Variants in CMTM7 observed in about 807,000 individuals in gnomAD.
CMTM7 encodes CKLF like MARVEL transmembrane domain containing 7, also known as CKLF-like MARVEL transmembrane domain-containing protein 7.
In CMTM7, 7 loss-of-function variants were observed where a neutral mutation model predicts 19.3. The observed-to-expected ratio is 0.36, with a 90% CI of 0.21 to 0.68. The LOEUF (loss-of-function observed/expected upper bound fraction) is 0.68. Among genes scored for constraint, CMTM7 ranks in the 30% least tolerant of loss-of-function variants. The pLI is 0.60. For synonymous variants in CMTM7, 87 were observed against 99.3 expected, an observed-to-expected ratio of 0.88 and a Z score of 0.74; for missense variants, 193 against 232.6, an observed-to-expected ratio of 0.83 and a Z score of 1.11.
At chr3:32,431,866 TCA>T (rs1696524902) in intron 1 of CMTM7, among the ~76,000 whole-genome samples, 1 of 152,246 alleles carries the variant, frequency 6.6e-6, no homozygotes, top group South Asian at 2.1e-4. Context: ...GCACAGTGGC[TCA>T]CGCCTGTAAT....
intron 1 of CMTM7, among the ~76,000 whole-genome samples, chr3:32,407,221 CTTAT>C (rs1696102771): frequency 6.6e-6 from 1 of 152,198 alleles, no homozygotes; most frequent in African/African-American, 2.4e-5. Context: ...GCAAACCTGG[CTTAT>C]TTGTTTTCTT....
At chr3:32,444,493 C>T (rs1242047017) in intron 2 of CMTM7, among the ~76,000 whole-genome samples, 2 of 152,186 alleles carry the variant, frequency 1.3e-5, no homozygotes, top group South Asian at 2.1e-4. Context: ...AGCAAATATG[C>T]AGCCTCCCAA....
chr3:32,444,841 C>A (rs1243000480), intron 2 of CMTM7, among the ~76,000 whole-genome samples: 1 of 152,164 alleles, frequency 6.6e-6, no homozygotes, highest in Non-Finnish European at 1.5e-5. Flanking sequence ...TCCTCAAACT[C>A]CTGGGCTCAA....
intron 1 of CMTM7, among the ~76,000 whole-genome samples, chr3:32,435,523 G>C (rs1000136696): frequency 3.9e-5 from 6 of 152,260 alleles, no homozygotes; most frequent in Non-Finnish European, 7.3e-5. Context: ...AAAAGATTAA[G>C]TAGGTCATTC....
chr3:32,430,798 G>GCTGT (rs552940723), intron 1 of CMTM7, among the ~76,000 whole-genome samples: 80 of 151,790 alleles, frequency 5.3e-4, no homozygotes, highest in Non-Finnish European at 8.1e-4. Context: ...TGAACGTGCT[G>GCTGT]CTGTCATCCC....
intron 1 of CMTM7, among the ~76,000 whole-genome samples, chr3:32,419,558 A>AGTTTC (rs111616865): frequency 4.0e-5 from 6 of 151,338 alleles, no homozygotes; most frequent in Non-Finnish European, 7.4e-5. Context: ...GCTTGCTGAA[A>AGTTTC]GTTTTGTTTT....
chr3:32,430,714 T>A (rs7652332), intron 1 of CMTM7, among the ~76,000 whole-genome samples: 2,183 of 149,704 alleles, frequency 0.015, 51 homozygotes, highest in African/African-American at 0.05. Context: ...TGTGTGTGTG[T>A]GACACAGCTC....
At chr3:32,452,280 C>A in intron 3 of CMTM7, 112 bp from the exon 4 acceptor site, 2 of 1,593,408 alleles carry the variant, frequency 1.3e-6, no homozygotes, top group Middle Eastern at 1.7e-4. Context: ...CTCCAAGCTC[C>A]TTTCTGGCCA....
chr3:32,442,987 C>G (rs988684446), intron 2 of CMTM7, among the ~76,000 whole-genome samples: 2 of 152,326 alleles, frequency 1.3e-5, no homozygotes, highest in African/African-American at 4.8e-5. Flanking sequence ...TTTTTCTACT[C>G]TGAACGTCTC....
At chr3:32,452,111 A>G in intron 3 of CMTM7, 1 of 1,444,932 alleles carries the variant, frequency 6.9e-7, no homozygotes, top group Non-Finnish European at 9.2e-7. Flanking sequence ...TTGTAAATGT[A>G]AACCCAGACC....
At chr3:32,435,208 C>T (rs934639384) in intron 1 of CMTM7, among the ~76,000 whole-genome samples, 2 of 152,168 alleles carry the variant, frequency 1.3e-5, no homozygotes, top group Non-Finnish European at 2.9e-5. Context: ...TCGAGACCAT[C>T]CTGGCCAACA....
chr3:32,399,137 A>AAT (rs1484662247), intron 1 of CMTM7, among the ~76,000 whole-genome samples: 5 of 152,116 alleles, frequency 3.3e-5, no homozygotes, highest in African/African-American at 9.7e-5. Context: ...AATCTTGGTG[A>AAT]ATATATAGTC....
intron 1 of CMTM7, among the ~76,000 whole-genome samples, chr3:32,420,963 G>C (rs531445757): frequency 6.6e-6 from 1 of 152,084 alleles, no homozygotes; most frequent in African/African-American, 2.4e-5. Flanking sequence ...TGGTCTCACC[G>C]GCTGTCTGGA....
intron 1 of CMTM7, among the ~76,000 whole-genome samples, chr3:32,404,483 T>C (rs969897439): frequency 6.6e-6 from 1 of 152,226 alleles, no homozygotes; most frequent in African/African-American, 2.4e-5. Context: ...CTAATGACTC[T>C]GTGGAGTATT....
At chr3:32,442,097 G>A (rs780016050) in intron 2 of CMTM7, 84 bp downstream of exon 2, 45 of 1,295,268 alleles carry the variant, frequency 3.5e-5, no homozygotes, top group Non-Finnish European at 3.9e-5. Flanking sequence ...AGTTTTTCCC[G>A]TCTGCCCATC....
At chr3:32,432,813 T>G (rs1039912481) in intron 1 of CMTM7, among the ~76,000 whole-genome samples, 2 of 152,218 alleles carry the variant, frequency 1.3e-5, no homozygotes, top group Admixed American at 6.5e-5. Flanking sequence ...CTGATAGCCA[T>G]AGCAGATACC....
At chr3:32,441,506 C>T (rs113549337) in intron 1 of CMTM7, among the ~76,000 whole-genome samples, 2,562 of 152,278 alleles carry the variant, frequency 0.017, 76 homozygotes, top group African/African-American at 0.056. Context: ...TATGGATATC[C>T]AGCAGATGAA....
chr3:32,420,791 G>T (rs1483707195), intron 1 of CMTM7, among the ~76,000 whole-genome samples: 2 of 152,204 alleles, frequency 1.3e-5, no homozygotes, highest in Non-Finnish European at 2.9e-5. Flanking sequence ...GGGTCTGGGG[G>T]CAGGAGAGGG....
chr3:32,404,983 G>A (rs1271146672), intron 1 of CMTM7, among the ~76,000 whole-genome samples: 1 of 152,222 alleles, frequency 6.6e-6, no homozygotes, highest in Non-Finnish European at 1.5e-5. Flanking sequence ...GAACTGCCTT[G>A]TTGAGAGAGG....
Sources: allele counts gnomAD v4.1 joint callset (sites outside exome capture counted in the v4.1 genomes callset), GRCh38; gene constraint gnomAD v4.1.1; transcripts MANE v1.5; gene names NCBI Gene and HGNC (gene_info 2026-07-23, HGNC 2026-07-21).